Variants in PALM2AKAP2 observed in about 807,000 individuals in gnomAD.
The protein encoded by PALM2AKAP2 is PALM2 and AKAP2 fusion.
In PALM2AKAP2, 37 loss-of-function variants were observed where a neutral mutation model predicts 71.5. That is an observed-to-expected ratio of 0.52 (90% CI 0.40 to 0.68). PALM2AKAP2 has a LOEUF of 0.68. PALM2AKAP2 is among the 30% of genes least tolerant of loss of function. The pLI is 0.00. For missense variants in PALM2AKAP2, 1,224 were observed against 1,191.8 expected (o/e 1.03, Z -0.40); for synonymous variants, 468 against 478.8 (o/e 0.98, Z 0.29).
chr9:109,725,931 C>A (rs892917385), intron 1 of PALM2AKAP2, among the ~76,000 whole-genome samples: 2 of 152,208 alleles, frequency 1.3e-5, no homozygotes, highest in Non-Finnish European at 2.9e-5. Flanking sequence ...TACCCTCTTA[C>A]AATTTTTTGA....
At chr9:109,685,733 G>C (rs1191167586) in intron 1 of PALM2AKAP2, among the ~76,000 whole-genome samples, 4 of 152,048 alleles carry the variant, frequency 2.6e-5, no homozygotes, top group Non-Finnish European at 5.9e-5. Context: ...TGATCAGGAT[G>C]GTGGTTGCCA....
At chr9:109,693,127 T>A (rs971385908) in intron 1 of PALM2AKAP2, among the ~76,000 whole-genome samples, 16 of 152,000 alleles carry the variant, frequency 1.1e-4, no homozygotes, top group Non-Finnish European at 2.1e-4. Context: ...GTGAGAATGT[T>A]TCCAATGCTG....
chr9:110,108,016 T>C (rs933750423), intron 1 of PALM2AKAP2, among the ~76,000 whole-genome samples: 18 of 152,312 alleles, frequency 1.2e-4, no homozygotes, highest in Non-Finnish European at 2.4e-4. Context: ...CAGATGAGTG[T>C]TAATTTACCT....
chr9:110,048,244 C>T (rs1016199408), upstream of PALM2AKAP2, among the ~76,000 whole-genome samples: 5 of 152,172 alleles, frequency 3.3e-5, no homozygotes, highest in African/African-American at 1.2e-4. Flanking sequence ...TGAGTGGGAA[C>T]TCAGCGGCTC....
intron 1 of PALM2AKAP2, among the ~76,000 whole-genome samples, chr9:110,062,253 C>G (rs1002066883): frequency 5.3e-5 from 8 of 152,236 alleles, no homozygotes; most frequent in East Asian, 1.9e-4. Flanking sequence ...CTCCCCACCC[C>G]CTCCAAGAGG....
chr9:109,863,323 A>T (rs1036276007), intron 1 of PALM2AKAP2, among the ~76,000 whole-genome samples: 1 of 152,256 alleles, frequency 6.6e-6, no homozygotes, highest in African/African-American at 2.4e-5. Context: ...AATCAACATG[A>T]CTTGGTCTTT....
At chr9:110,057,841 T>G (rs1456028505) in intron 1 of PALM2AKAP2, among the ~76,000 whole-genome samples, 2 of 152,200 alleles carry the variant, frequency 1.3e-5, no homozygotes, top group East Asian at 3.9e-4. Flanking sequence ...AAATCCCTAA[T>G]GAGTCCTGAG....
At chr9:110,121,990 GA>G (rs1252537695) in intron 1 of PALM2AKAP2, among the ~76,000 whole-genome samples, 1 of 152,214 alleles carries the variant, frequency 6.6e-6, no homozygotes, top group Non-Finnish European at 1.5e-5. Context: ...CTAAGACCTA[GA>G]AGAGAAATGA....
intron 1 of PALM2AKAP2, among the ~76,000 whole-genome samples, chr9:109,800,627 C>T (rs1587920541): frequency 6.6e-6 from 1 of 152,318 alleles, no homozygotes; most frequent in Admixed American, 6.5e-5. Flanking sequence ...CTACAGGTAG[C>T]CACTGCTCCC....
intron 1 of PALM2AKAP2, among the ~76,000 whole-genome samples, chr9:109,785,958 C>T (rs548475958): frequency 6.6e-5 from 10 of 152,314 alleles, no homozygotes; most frequent in African/African-American, 1.7e-4. Context: ...ATTTCACTTT[C>T]GGCCTCTTTC....
intron 1 of PALM2AKAP2, among the ~76,000 whole-genome samples, chr9:109,704,789 A>C (rs1828116442): frequency 6.6e-6 from 1 of 152,166 alleles, no homozygotes; most frequent in African/African-American, 2.4e-5. Context: ...GCTCCCCATG[A>C]GCTGCCATTC....
Position 109,923,862 on chromosome 9 carries a change from A to G in PALM2AKAP2, c.372+13A>G. The G allele has an allele frequency of 6.4e-7, 1 of 1,562,784 alleles. No individual in the cohort carries two copies. The highest frequency in any genetic ancestry group is 2.3e-5 in the East Asian group (1 of 42,982). On this transcript the variant is annotated intron_variant, in intron 4 of 9. Coordinates refer to the PALM2AKAP2 transcript ENST00000302798. ...GGACTTTCAGAAGGTGAAGAAAACC[A>G]AAACGATTTCTCAAAGTTATTTCCA...
exon 2 of PALM2AKAP2, chr9:110,137,831 C>G (rs1835926900): frequency 6.2e-7 from 1 of 1,613,986 alleles, no homozygotes; most frequent in Non-Finnish European, 8.5e-7. Flanking sequence ...AACTGACAAC[C>G]CCTCAGAGGG....
chr9:109,788,217 C>G (rs71501604), intron 1 of PALM2AKAP2, among the ~76,000 whole-genome samples: 11,332 of 152,186 alleles, frequency 0.074, 573 homozygotes, highest in South Asian at 0.15. Flanking sequence ...TCTTTAAGAA[C>G]CTATACTCAA....
At chr9:109,959,449 C>T (rs1588033419) in intron 6 of PALM2AKAP2, among the ~76,000 whole-genome samples, 1 of 152,022 alleles carries the variant, frequency 6.6e-6, no homozygotes, top group African/African-American at 2.4e-5. Flanking sequence ...TCGAGACCAT[C>T]CTAGCCTATA....
exon 2 of PALM2AKAP2, chr9:110,137,675 G>C (rs1334446809): frequency 6.2e-7 from 1 of 1,614,010 alleles, no homozygotes; most frequent in African/African-American, 1.3e-5. Flanking sequence ...CGAATTGTCG[G>C]TGAGGTCTCA....
At chr9:109,955,490 A>G (rs759160159) in intron 6 of PALM2AKAP2, among the ~76,000 whole-genome samples, 2 of 152,216 alleles carry the variant, frequency 1.3e-5, no homozygotes, top group Non-Finnish European at 2.9e-5. Context: ...ATAGTTCTGG[A>G]GGCTTCATGT....
chr9:110,136,913 A>T (rs1474369839), exon 2 of PALM2AKAP2: 2 of 1,614,106 alleles, frequency 1.2e-6, no homozygotes, highest in African/African-American at 2.7e-5. Flanking sequence ...GAGAGAGCTC[A>T]TCCGCAGCCA....
At chr9:109,743,772 C>A (rs915920594) in intron 1 of PALM2AKAP2, among the ~76,000 whole-genome samples, 9 of 152,214 alleles carry the variant, frequency 5.9e-5, no homozygotes, top group Non-Finnish European at 1.2e-4. Flanking sequence ...ATACATACAT[C>A]TGCCTGCACA....
Sources: gnomAD v4.1 joint callset for allele counts (sites outside exome capture counted in the v4.1 genomes callset) on GRCh38, gnomAD v4.1.1 for gene constraint, MANE v1.5 for transcripts, NCBI Gene and HGNC (gene_info 2026-07-23, HGNC 2026-07-21) for gene names.